Variants in SHOC1 observed in about 807,000 individuals in gnomAD.
The protein encoded by SHOC1 is shortage in chiasmata 1.
SHOC1 carries 136 observed loss-of-function variants against 179.2 expected under a neutral mutation model. The ratio of observed to expected loss-of-function variants is 0.76; its 90% confidence interval spans 0.66 to 0.87. The LOEUF is 0.87. Ranked by LOEUF, SHOC1 falls within the 40% of genes least tolerant of loss-of-function variation. SHOC1 has a pLI of 0.00. For synonymous variants in SHOC1, 489 were observed against 586.6 expected (o/e 0.83, Z 2.41); for missense variants, 1,538 against 1,700.8 (o/e 0.90, Z 1.68).
chr9:111,717,678 A>G (rs942411601), intron 16 of SHOC1, among the ~76,000 whole-genome samples: 2 of 152,128 alleles, frequency 1.3e-5, no homozygotes, highest in African/African-American at 4.8e-5. Context: ...TTAATTTGAT[A>G]GGTTATAAAA....
intron 24 of SHOC1, among the ~76,000 whole-genome samples, chr9:111,696,392 T>G (rs952979100): frequency 1.3e-5 from 2 of 151,998 alleles, no homozygotes; most frequent in African/African-American, 4.8e-5. Flanking sequence ...ATAATATGAG[T>G]CCAGGGAGCC....
intron 12 of SHOC1, among the ~76,000 whole-genome samples, chr9:111,733,067 C>T (rs547518609): frequency 6.6e-6 from 1 of 152,190 alleles, no homozygotes; most frequent in African/African-American, 2.4e-5. Flanking sequence ...TAATATGTGT[C>T]CTTTCCCTTA....
chr9:111,759,409 A>G, intron 5 of SHOC1: 3 of 1,454,544 alleles, frequency 2.1e-6, no homozygotes, highest in Non-Finnish European at 2.7e-6. Flanking sequence ...AATCTACTTG[A>G]GGAGTATGAT....
At chr9:111,722,649 C>A in intron 14 of SHOC1, 64 bp from the exon 15 acceptor site, 4 of 1,345,776 alleles carry the variant, frequency 3.0e-6, no homozygotes, top group Middle Eastern at 3.7e-4. Context: ...TTTGATGAAC[C>A]AATTAAATGT....
At position 111,692,264 on chromosome 9, in the gene SHOC1, T is replaced by C. The variant is rs7869279; in HGVS notation, c.3713A>G (p.Glu1238Gly). The C allele has an allele frequency of 0.46, 742,931 of 1,611,680 alleles. 176,462 individuals carry two copies. The highest frequency in any genetic ancestry group is 0.8 in the East Asian group (35,682 of 44,828). Residue 1238 changes from glutamate to glycine, a missense_variant, in exon 27 of 28, where the codon GAA becomes GGA. Physicochemically the swap from Glu to Gly is moderately conservative, Grantham distance 98. Coordinates refer to ENST00000682961, the MANE Select transcript of SHOC1 (RefSeq NM_001378211.1). ...NDNSSIMELK[E>G]ISSFLPPVTS... The stretch of plus-strand genomic sequence containing the variant: ...CACAGGTGGTAAAAAACTTGAGATT[T>C]CTTTTAGTTCCATAATGGAAGAGTT...
intron 6 of SHOC1, 28 bp downstream of exon 6, chr9:111,758,667 T>A (rs771122301): frequency 6.5e-7 from 1 of 1,537,354 alleles, no homozygotes; most frequent in East Asian, 2.3e-5. Flanking sequence ...TTAAAAATAT[T>A]TACAGCATTG....
intron 27 of SHOC1, among the ~76,000 whole-genome samples, chr9:111,687,991 A>G (rs140722593): frequency 6.6e-6 from 1 of 152,354 alleles, no homozygotes; most frequent in African/African-American, 2.4e-5. Flanking sequence ...GAGCTAAAGA[A>G]TCCTTAAGTA....
In SHOC1 at chr9:111,686,841, T is replaced by G; in HGVS notation, c.4456A>C (p.Lys1486Gln). 1 of 1,613,540 alleles carries G rather than the reference T, an allele frequency of 6.2e-7. No individual in the cohort carries two copies. Among genetic ancestry groups the G allele is most frequent in the Non-Finnish European group, 8.5e-7 (1 of 1,179,558 alleles). Residue 1486 changes from lysine to glutamine, a missense_variant, in exon 28 of 28, where the codon AAA becomes CAA. Coordinates refer to ENST00000682961, the MANE Select transcript of SHOC1 (RefSeq NM_001378211.1). ...TTTTCATATGCTAGACGTCGTTTTT[T>G]GAATTGTGGTAGTTGTGAGCACATA... ...GFMCSQLPQF[K>Q]KRRLAYEKVP...
At chr9:111,761,954 C>G (rs1381180536) in intron 5 of SHOC1, among the ~76,000 whole-genome samples, 2 of 152,064 alleles carry the variant, frequency 1.3e-5, no homozygotes, top group Non-Finnish European at 2.9e-5. Context: ...TCATACCATA[C>G]TAGTGGACAT....
chr9:111,761,875 T>G (rs983297593), intron 5 of SHOC1, among the ~76,000 whole-genome samples: 3 of 152,142 alleles, frequency 2.0e-5, no homozygotes, highest in Admixed American at 1.3e-4. Context: ...CACATTGGTT[T>G]AAATGTATTA....
At chr9:111,762,525 T>C (rs1176100555) in intron 5 of SHOC1, among the ~76,000 whole-genome samples, 1 of 151,910 alleles carries the variant, frequency 6.6e-6, no homozygotes, top group African/African-American at 2.4e-5. Flanking sequence ...AAAAATAATA[T>C]CATGTATATA....
At chr9:111,766,848 G>T (rs1423442544) in intron 5 of SHOC1, among the ~76,000 whole-genome samples, 3 of 152,126 alleles carry the variant, frequency 2.0e-5, no homozygotes, top group African/African-American at 7.2e-5. Flanking sequence ...CTGACTTCAG[G>T]TGATCCGTCC....
chr9:111,704,003 C>T lies in SHOC1; in HGVS notation c.2856-11G>A, dbSNP rs1258017726. ...AGTGAGATGTTATAGCTGTAAAATA[C>T]AATATTCTTGAGTGAAAAAATGAAA... On this transcript the variant is annotated splice_polypyrimidine_tract_variant and intron_variant, in intron 21 of 27. Coordinates refer to ENST00000682961, the MANE Select transcript of SHOC1 (RefSeq NM_001378211.1). 2.1e-6 allele frequency: 3 copies of T among 1,409,506 alleles called. No individual in the cohort carries two copies. Among genetic ancestry groups the T allele is most frequent in the African/African-American group, 2.8e-5 (2 of 70,500 alleles). The allele number at this position is 1,409,506 out of a possible 1,614,324, so 87.3% of individuals were successfully genotyped here.
At chr9:111,766,812 A>G (rs558451541) in intron 5 of SHOC1, among the ~76,000 whole-genome samples, 1 of 152,152 alleles carries the variant, frequency 6.6e-6, no homozygotes, top group East Asian at 1.9e-4. Context: ...AGGTTTTGCC[A>G]TGTTGGCCAG....
Position 111,692,288 on chromosome 9 carries a change from T to G in SHOC1, c.3689A>C (p.Asn1230Thr), listed in dbSNP as rs753541193. The G allele has an allele frequency of 6.2e-7, 1 of 1,613,414 alleles. No individual in the cohort carries two copies. Residue 1230 changes from asparagine (N) to threonine (T), a missense_variant, in exon 27 of 28, where the codon AAC becomes ACC. By Grantham distance (65) the Asn-to-Thr change is moderately conservative. Coordinates refer to ENST00000682961, the MANE Select transcript of SHOC1 (RefSeq NM_001378211.1). ...TTCTTTTAGTTCCATAATGGAAGAGTTGTCATTCAAAATGGTGGTTTTGTC... is the reference window on the plus strand; with the variant it reads ...TTCTTTTAGTTCCATAATGGAAGAGGTGTCATTCAAAATGGTGGTTTTGTC... ...QEDKTTILND[N>T]SSIMELKEIS... is the part of the protein sequence containing the mutation.
chr9:111,754,033 T>A (rs1834735519), intron 8 of SHOC1, among the ~76,000 whole-genome samples: 1 of 152,216 alleles, frequency 6.6e-6, no homozygotes. Context: ...AGAAAGTAGA[T>A]CTTAAATATT....
chr9:111,787,326 T>G (rs1035294340), intron 2 of SHOC1, among the ~76,000 whole-genome samples: 3 of 152,146 alleles, frequency 2.0e-5, no homozygotes, highest in Non-Finnish European at 2.9e-5. Context: ...TTGAAAACCT[T>G]TGAGAAGGGA....
chr9:111,747,347 T>C (rs938180752), intron 9 of SHOC1, among the ~76,000 whole-genome samples: 1 of 152,120 alleles, frequency 6.6e-6, no homozygotes, highest in Non-Finnish European at 1.5e-5. Flanking sequence ...CAAAATTTGG[T>C]AGAATAATAT....
rs1827003625 is a variant in SHOC1, at chr9:111,756,571, G to A, written c.709-93C>T. 1.0e-5 allele frequency: 11 copies of A among 1,069,592 alleles called. No homozygotes were observed. In the South Asian group the frequency reaches 1.5e-4, roughly 14 times the overall value. The allele number at this position is 1,069,592 out of a possible 1,614,324, so 66.3% of individuals were successfully genotyped here. ...TGGACAAAATTTGCTTAAATGATGT[G>A]CCAAATTTTAAACTAAATCCACATT... On this transcript the variant is annotated intron_variant, in intron 7 of 27. Coordinates refer to ENST00000682961, the MANE Select transcript of SHOC1 (RefSeq NM_001378211.1).
Sources: allele counts gnomAD v4.1 joint callset (sites outside exome capture counted in the v4.1 genomes callset), GRCh38; gene constraint gnomAD v4.1.1; transcripts MANE v1.5; gene names NCBI Gene and HGNC (gene_info 2026-07-23, HGNC 2026-07-21).